IL20RA: variants seen among roughly 807,000 people sequenced by gnomAD.
IL20RA encodes the protein interleukin 20 receptor subunit alpha.
In IL20RA, 29 loss-of-function variants were observed where a neutral mutation model predicts 36.5. The ratio of observed to expected loss-of-function variants is 0.79; its 90% CI spans 0.59 to 1.08. The LOEUF (loss-of-function observed/expected upper bound fraction) is 1.08, where lower values mean the gene tolerates loss of function less well. Among genes scored for constraint, IL20RA ranks in the 50% least tolerant of loss-of-function variants. The probability of loss-of-function intolerance (pLI) is 0.00; values close to 1 mark genes in which losing one functional copy is unlikely to be tolerated. For missense variants in IL20RA, 652 were observed against 668.4 expected (o/e 0.98, Z 0.27); for synonymous variants, 279 against 267.1 (o/e 1.04, Z -0.43).
At chr6:137,019,609 C>T (rs1170599193) in intron 1 of IL20RA, among the ~76,000 whole-genome samples, 2 of 152,128 alleles carry the variant, frequency 1.3e-5, no homozygotes, top group Non-Finnish European at 2.9e-5. Flanking sequence ...CTGAAATAAA[C>T]TATACTCTGG....
rs1209421100 is a variant in IL20RA, at chr6:137,016,963, C to T, written c.224+5G>A. 2 of 1,612,484 alleles carry T rather than the reference C, an allele frequency of 1.2e-6. No homozygotes were observed. The highest frequency in any genetic ancestry group is 2.2e-5 in the South Asian group (2 of 90,614). On this transcript the variant is annotated splice_donor_5th_base_variant and intron_variant, in intron 2 of 6. Coordinates refer to ENST00000316649, the MANE Select transcript of IL20RA (RefSeq NM_014432.4). ...AGCTAGCCAAAAGGAAAAGAAGAAACTTACATGAAATACTGCACAGTGTAA... is the reference window on the plus strand; with the variant it reads ...AGCTAGCCAAAAGGAAAAGAAGAAATTTACATGAAATACTGCACAGTGTAA...
chr6:137,039,678 G>A (rs1356468235), intron 1 of IL20RA, among the ~76,000 whole-genome samples: 3 of 152,186 alleles, frequency 2.0e-5, no homozygotes, highest in South Asian at 2.1e-4. Context: ...GTACAACATC[G>A]TAATCACATT....
chr6:137,038,897 C>T, intron 1 of IL20RA, among the ~76,000 whole-genome samples: 1 of 151,840 alleles, frequency 6.6e-6, no homozygotes, highest in Non-Finnish European at 1.5e-5. Flanking sequence ...AATACTATGC[C>T]AAGCACTAAA....
intron 5 of IL20RA, among the ~76,000 whole-genome samples, chr6:137,007,648 T>A (rs1333100664): frequency 6.6e-6 from 1 of 152,226 alleles, no homozygotes; most frequent in Middle Eastern, 3.2e-3. Flanking sequence ...CAACTCTATG[T>A]CTTCTCATAG....
At chr6:137,038,180 T>C (rs1776554699) in intron 1 of IL20RA, 1 of 151,878 alleles carries the variant, frequency 6.6e-6, no homozygotes, top group Admixed American at 6.6e-5. Context: ...CTAGCATACT[T>C]TCTTTCTATA....
intron 3 of IL20RA, among the ~76,000 whole-genome samples, chr6:137,010,786 CAT>C (rs1440243825): frequency 6.6e-6 from 1 of 151,978 alleles, no homozygotes; most frequent in African/African-American, 2.4e-5. Context: ...ATTAATAGTC[CAT>C]AAACCCACAT....
At chr6:137,023,508 T>C (rs1226027457) in intron 1 of IL20RA, among the ~76,000 whole-genome samples, 1 of 152,192 alleles carries the variant, frequency 6.6e-6, no homozygotes, top group Non-Finnish European at 1.5e-5. Flanking sequence ...ATGGATCACT[T>C]CACTGCTGAA....
Position 137,030,074 on chromosome 6 carries a change from T to TTTTTTG in IL20RA, c.89-12972_89-12971insCAAAAA, listed in dbSNP as rs1162557087. 3.8e-5 allele frequency among the ~76,000 whole-genome samples: 4 copies of TTTTTTG among 104,928 alleles called. No homozygotes were observed. The Admixed American group carries it at 4.1e-4, about 11-fold the overall frequency. 68.8% of individuals were successfully genotyped at this position (104,928 alleles called of 152,430 possible). ...GAAAATGTCAGCGGTTTGCGGGTTT[T>TTTTTTG]TTTTTTTTTTTTTTTTTTTTTTTTG... On this transcript the variant is annotated intron_variant, in intron 1 of 6. Transcript: ENST00000316649.
intron 1 of IL20RA, among the ~76,000 whole-genome samples, chr6:137,035,602 T>G (rs1284234529): frequency 2.6e-5 from 4 of 152,124 alleles, no homozygotes; most frequent in Admixed American, 6.5e-5. Flanking sequence ...AATGAATGAG[T>G]GAGCAAAAAT....
In IL20RA at chr6:137,002,271, A is replaced by G. The variant is rs775234764; in HGVS notation, c.949T>C (p.Ser317Pro). 6.2e-7 allele frequency: 1 copy of G among 1,613,560 alleles called. No homozygotes were observed. The highest frequency in any genetic ancestry group is 1.1e-5 in the South Asian group (1 of 90,990). ...TGATGAGAAATTTTAGAATCATCCGAGATATTGAGGGTGATAAAGTTAATC... is the reference window on the plus strand; with the variant it reads ...TGATGAGAAATTTTAGAATCATCCGGGATATTGAGGGTGATAAAGTTAATC... ...IVINFITLNI[S>P]DDSKISHQDM... Residue 317 changes from serine to proline, a missense_variant, in exon 7 of 7, where the codon TCG becomes CCG. Coordinates refer to ENST00000316649, the MANE Select transcript of IL20RA (RefSeq NM_014432.4).
chr6:137,009,293 T>C (rs745891311), intron 4 of IL20RA, 24 bp downstream of exon 4: 1 of 1,582,448 alleles, frequency 6.3e-7, no homozygotes, highest in Admixed American at 1.7e-5. Context: ...CATGAATGTA[T>C]GCCCCATTCC....
At chr6:137,040,240 C>A (rs1287870774) in intron 1 of IL20RA, among the ~76,000 whole-genome samples, 1 of 151,956 alleles carries the variant, frequency 6.6e-6, no homozygotes, top group Non-Finnish European at 1.5e-5. Flanking sequence ...TTAGTGGCAC[C>A]ATTACAAACT....
At position 137,000,055 on chromosome 6, in the gene IL20RA, T is replaced by C. The variant is rs901075746; in HGVS notation, c.*1503A>G. On this transcript the variant is annotated 3_prime_UTR_variant, in exon 7 of 7. Coordinates refer to ENST00000316649, the MANE Select transcript of IL20RA (RefSeq NM_014432.4). ...TGAACTACTTTTACAGTTAGTGTAA[T>C]ACATCTGTTCTTCAAAACCAGCAGA... The C allele has an allele frequency of 1.3e-5, 2 of 152,234 alleles. No homozygotes were observed. The allele number at this position is 152,234 out of a possible 1,614,324, so 9.4% of individuals were successfully genotyped here.
chr6:137,012,335 G>A (rs996579849), intron 2 of IL20RA, among the ~76,000 whole-genome samples: 1 of 152,170 alleles, frequency 6.6e-6, no homozygotes, highest in African/African-American at 2.4e-5. Context: ...AACAGATTAG[G>A]GAAATGAAGG....
chr6:137,044,621 T>G lies in IL20RA; in HGVS notation c.88+20A>C. ...CCTGGAGGCATCCCCGACCCGCACCTGGCGGCGCGACCCACCTACCTGCCC... is the reference window on the plus strand; with the variant it reads ...CCTGGAGGCATCCCCGACCCGCACCGGGCGGCGCGACCCACCTACCTGCCC... On this transcript the variant is annotated intron_variant, in intron 1 of 6. Transcript: ENST00000316649. The G allele has an allele frequency of 1.6e-6, 2 of 1,215,814 alleles. No homozygotes were observed. The allele number at this position is 1,215,814 out of a possible 1,614,324, so 75.3% of individuals were successfully genotyped here. A position where few individuals can be genotyped will look rare whatever the true frequency, so the allele number is the denominator to read the frequency against.
intron 1 of IL20RA, among the ~76,000 whole-genome samples, chr6:137,024,817 G>A (rs367582866): frequency 6.6e-6 from 1 of 152,026 alleles, no homozygotes; most frequent in Non-Finnish European, 1.5e-5. Context: ...GGTGTGTGTG[G>A]TCTCCACTAA....
chr6:137,004,238 C>T (rs1336625574), intron 6 of IL20RA, among the ~76,000 whole-genome samples: 1 of 134,224 alleles, frequency 7.5e-6, no homozygotes, highest in Non-Finnish European at 1.5e-5. Flanking sequence ...TGTAGTGGCA[C>T]AGTCTCAGCT....
At chr6:137,004,166 T>TTTTTTTTG (rs1775186012) in intron 6 of IL20RA, among the ~76,000 whole-genome samples, 1 of 123,258 alleles carries the variant, frequency 8.1e-6, no homozygotes, top group African/African-American at 3.3e-5. Flanking sequence ...AAGCTTTTTT[T>TTTTTTTTG]TTTTTTTTTT....
intron 1 of IL20RA, among the ~76,000 whole-genome samples, chr6:137,037,451 A>G (rs1392029951): frequency 6.6e-6 from 1 of 152,236 alleles, no homozygotes; most frequent in African/African-American, 2.4e-5. Context: ...GTAAGAAGCA[A>G]ACAGAAACAA....
Sources: allele counts gnomAD v4.1 joint callset (sites outside exome capture counted in the v4.1 genomes callset), GRCh38; gene constraint gnomAD v4.1.1; transcripts MANE v1.5; gene names NCBI Gene and HGNC (gene_info 2026-07-23, HGNC 2026-07-21).